The following KIRREL3 variants were observed in gnomAD, a reference collection of about 807,000 sequenced individuals.
KIRREL3 encodes kirre like nephrin family adhesion molecule 3, also known as kin of IRRE-like protein 3.
A neutral mutation model predicts 89.7 loss-of-function variants in KIRREL3; 36 were observed. The ratio of observed to expected loss-of-function variants is 0.40; its 90% CI spans 0.31 to 0.53. KIRREL3 has a LOEUF of 0.53. Among genes scored for constraint, KIRREL3 ranks in the 20% least tolerant of loss-of-function variants. The probability of loss-of-function intolerance (pLI) is 0.49; values close to 1 mark genes in which losing one functional copy is unlikely to be tolerated. For synonymous variants in KIRREL3, 445 were observed against 441.4 expected (o/e 1.01, Z -0.10); for missense variants, 864 against 1,056.6 (o/e 0.82, Z 2.53).
intron 1 of KIRREL3, among the ~76,000 whole-genome samples, chr11:126,824,229 C>A (rs1943328598): frequency 6.6e-6 from 1 of 152,314 alleles, no homozygotes; most frequent in South Asian, 2.1e-4. Flanking sequence ...GACAAACAAG[C>A]ATTCTCATCC....
intron 1 of KIRREL3, among the ~76,000 whole-genome samples, chr11:126,885,486 A>G (rs1431499733): frequency 6.6e-6 from 1 of 152,252 alleles, no homozygotes; most frequent in African/African-American, 2.4e-5. Flanking sequence ...CTGGAATCCC[A>G]GCATCCCTAA....
rs1255597221 is a variant in KIRREL3 at position 126,977,468 on chromosome 11, G to C, written c.55+22987C>G. Among the ~76,000 whole-genome samples, 1 of 152,156 alleles carries C rather than the reference G, an allele frequency of 6.6e-6. No homozygotes were observed. The highest frequency in any genetic ancestry group is 2.4e-5 in the African/African-American group (1 of 41,432). On this transcript the variant is annotated intron_variant, in intron 1 of 16. Coordinates refer to ENST00000525144, the MANE Select transcript of KIRREL3 (RefSeq NM_032531.4). This position sits in a 1 kb window ranked among gnomAD's most constrained non-coding sequence, Gnocchi z 4.7. ...CAGGATCAGGGTCTGGCCATGCCCA[G>C]TGTCCTGTTTTTATTATGAATTCCT...
chr11:127,002,581 G>A (rs373137138), upstream of KIRREL3, among the ~76,000 whole-genome samples: 33 of 152,298 alleles, frequency 2.2e-4, no homozygotes, highest in African/African-American at 7.9e-4. Context: ...TCTATGTATA[G>A]CGCCGTCACC....
chr11:126,560,839 GT>G (rs1376026688), intron 2 of KIRREL3, among the ~76,000 whole-genome samples: 4 of 152,096 alleles, frequency 2.6e-5, no homozygotes, highest in African/African-American at 9.7e-5. Flanking sequence ...AAAAATAATT[GT>G]TTTTCCCTAT....
chr11:126,813,856 A>T (rs1219256290), intron 1 of KIRREL3, among the ~76,000 whole-genome samples: 1 of 152,206 alleles, frequency 6.6e-6, no homozygotes, highest in Non-Finnish European at 1.5e-5. Context: ...GGCACATGCA[A>T]GGGTTTCATG....
At chr11:126,473,843 G>A (rs755330445) in intron 4 of KIRREL3, among the ~76,000 whole-genome samples, 1 of 152,320 alleles carries the variant, frequency 6.6e-6, no homozygotes, top group Non-Finnish European at 1.5e-5. Flanking sequence ...ACCCAGGCTG[G>A]AGTGCAGTAG....
At chr11:126,693,088 C>T (rs1173420267) in intron 1 of KIRREL3, among the ~76,000 whole-genome samples, 1 of 152,214 alleles carries the variant, frequency 6.6e-6, no homozygotes, top group African/African-American at 2.4e-5. Flanking sequence ...GGTGACCCTC[C>T]AGGTGACTGC....
At chr11:126,584,420 C>T (rs1187875951) in intron 1 of KIRREL3, among the ~76,000 whole-genome samples, 1 of 152,224 alleles carries the variant, frequency 6.6e-6, no homozygotes, top group African/African-American at 2.4e-5. Context: ...ACTGTAGCTC[C>T]TCACTCTCCT....
intron 1 of KIRREL3, among the ~76,000 whole-genome samples, chr11:126,621,409 G>C (rs1943569662): frequency 1.3e-5 from 2 of 152,162 alleles, no homozygotes; most frequent in Admixed American, 1.3e-4. Context: ...TGAAGTGGAA[G>C]AATGTTCTGA....
At position 126,985,365 on chromosome 11, in the gene KIRREL3, C is replaced by T. The variant is rs972606971; in HGVS notation, c.55+15090G>A. 4.6e-5 allele frequency among the ~76,000 whole-genome samples: 7 copies of T among 152,266 alleles called. No individual in the cohort carries two copies. The East Asian group carries it at 5.8e-4, about 13-fold the overall frequency. ...GAGGTGAGAAGGACCCAGCCCTGGC[C>T]GCCAGGAAGCTCACAATATGGAAGG... On this transcript the variant is annotated intron_variant, in intron 1 of 16. Coordinates refer to ENST00000525144, the MANE Select transcript of KIRREL3 (RefSeq NM_032531.4). The surrounding 1 kb of genome is among the most constrained non-coding windows in gnomAD (Gnocchi z 5.3).
intron 1 of KIRREL3, among the ~76,000 whole-genome samples, chr11:126,760,298 C>T (rs532684633): frequency 9.8e-5 from 15 of 152,298 alleles, no homozygotes; most frequent in African/African-American, 3.4e-4. Flanking sequence ...AAATATGTTT[C>T]AAACAGAGCT....
chr11:126,906,802 A>G lies in KIRREL3; in HGVS notation c.55+93653T>C, dbSNP rs1305361648. On this transcript the variant is annotated intron_variant, in intron 1 of 16. Coordinates refer to ENST00000525144, the MANE Select transcript of KIRREL3 (RefSeq NM_032531.4). The surrounding 1 kb of genome is among the most constrained non-coding windows in gnomAD (Gnocchi z 4.1). Reference sequence around the variant, plus strand: ...AGGCTGCCTGTGGCTTCTTCCTGGGACGTCTGCTCTGCCTCCTGAAAGGAT... The same window carrying G: ...AGGCTGCCTGTGGCTTCTTCCTGGGGCGTCTGCTCTGCCTCCTGAAAGGAT... Among the ~76,000 whole-genome samples the G allele has an allele frequency of 6.6e-6, 1 of 152,168 alleles. No homozygotes were observed. The highest frequency in any genetic ancestry group is 1.5e-5 in the Non-Finnish European group (1 of 68,026).
In KIRREL3 at chr11:126,686,339, C is replaced by G. The variant is rs1289691134; in HGVS notation, c.56-123427G>C. The stretch of plus-strand genomic sequence containing the variant: ...GTTAGTCCACTCACATATTTTCACT[C>G]ATTACTAAACATTTATGGACCATTC... On this transcript the variant is annotated intron_variant, in intron 1 of 16. Transcript: ENST00000525144. The surrounding 1 kb of genome is among the most constrained non-coding windows in gnomAD (Gnocchi z 4.7). Among the ~76,000 whole-genome samples, 1 of 152,166 alleles carries G rather than the reference C, an allele frequency of 6.6e-6. No individual in the cohort carries two copies. The highest frequency in any genetic ancestry group is 1.5e-5 in the Non-Finnish European group (1 of 68,040).
At position 126,666,185 on chromosome 11, in the gene KIRREL3, G is replaced by C. The variant is rs1945655758; in HGVS notation, c.56-103273C>G. ...AGTGCAGCAGGATCTTGGTTCCGCA[G>C]GAAGAGTGTGGATTCTTGGAATGCA... is the stretch of plus-strand genomic sequence containing the variant. On this transcript the variant is annotated intron_variant, in intron 1 of 16. Transcript: ENST00000525144. The surrounding 1 kb of genome is among the most constrained non-coding windows in gnomAD (Gnocchi z 4.2). Among the ~76,000 whole-genome samples, 1 of 152,208 alleles carries C rather than the reference G, an allele frequency of 6.6e-6. No homozygotes were observed. The highest frequency in any genetic ancestry group is 2.1e-4 in the South Asian group (1 of 4,824).
chr11:126,944,139 C>T (rs1178832132), intron 1 of KIRREL3, among the ~76,000 whole-genome samples: 5 of 152,172 alleles, frequency 3.3e-5, no homozygotes, highest in African/African-American at 1.2e-4. Context: ...AGCTTACCAT[C>T]ATCAGATTAC....
At position 126,903,346 on chromosome 11, in the gene KIRREL3, C is replaced by T. The variant is rs1052415182; in HGVS notation, c.55+97109G>A. Among the ~76,000 whole-genome samples, 4 of 151,814 alleles carry T rather than the reference C, an allele frequency of 2.6e-5. No homozygotes were observed. The highest frequency in any genetic ancestry group is 5.9e-5 in the Non-Finnish European group (4 of 67,992). The stretch of plus-strand genomic sequence containing the variant: ...GTTAACAATGCAGGGATCATAGTTG[C>T]ACAATTATTAAAAAGAGGCCACTTA... On this transcript the variant is annotated intron_variant, in intron 1 of 16. Transcript: ENST00000525144. This position sits in a 1 kb window ranked among gnomAD's most constrained non-coding sequence, Gnocchi z 4.5.
intron 1 of KIRREL3, among the ~76,000 whole-genome samples, chr11:126,863,895 G>C (rs1364456289): frequency 6.6e-6 from 1 of 152,178 alleles, no homozygotes; most frequent in Non-Finnish European, 1.5e-5. Context: ...GGTCTTGCCT[G>C]GCTGCCAAAG....
rs1377368910 is a variant in KIRREL3, at chr11:126,872,410, C to T, written c.55+128045G>A. Among the ~76,000 whole-genome samples the T allele has an allele frequency of 1.3e-5, 2 of 152,180 alleles. No homozygotes were observed. The highest frequency in any genetic ancestry group is 2.4e-5 in the African/African-American group (1 of 41,440). ...CATGGGCACGGGGCTTATGGGGTAG[C>T]CCTGCTCAGCAAGGAGCGGCTCCCC... On this transcript the variant is annotated intron_variant, in intron 1 of 16. Coordinates refer to ENST00000525144, the MANE Select transcript of KIRREL3 (RefSeq NM_032531.4). This position sits in a 1 kb window ranked among gnomAD's most constrained non-coding sequence, Gnocchi z 4.2.
At position 126,656,249 on chromosome 11, in the gene KIRREL3, T is replaced by G. The variant is rs1249804265; in HGVS notation, c.56-93337A>C. 1 of 436,350 alleles carries G rather than the reference T, an allele frequency of 2.3e-6. No homozygotes were observed. The highest frequency in any genetic ancestry group is 4.6e-6 in the Non-Finnish European group (1 of 215,234). The allele number at this position is 436,350 out of a possible 1,614,324, so 27.0% of individuals were successfully genotyped here. A position where few individuals can be genotyped will look rare whatever the true frequency, so the allele number is the denominator to read the frequency against. ...GCCTGTTGGTTCTGCCGTTCATATC[T>G]GTGAGATATCAGGCTGGTTTCTTAA... On this transcript the variant is annotated intron_variant, in intron 1 of 16. Coordinates refer to ENST00000525144, the MANE Select transcript of KIRREL3 (RefSeq NM_032531.4). The surrounding 1 kb of genome is among the most constrained non-coding windows in gnomAD (Gnocchi z 4.0).
Sources: gnomAD v4.1 joint callset for allele counts (sites outside exome capture counted in the v4.1 genomes callset) on GRCh38, gnomAD v4.1.1 for gene constraint, Gnocchi (gnomAD v3.1) non-coding constraint, MANE v1.5 for transcripts, NCBI Gene and HGNC (gene_info 2026-07-23, HGNC 2026-07-21) for gene names.